Variants in PPFIA2 observed in about 807,000 individuals in gnomAD.
PPFIA2 encodes PPFI scaffold protein A2.
In PPFIA2, 46 loss-of-function variants were observed where a neutral mutation model predicts 175.5. The ratio of observed to expected loss-of-function variants is 0.26; its 90% CI spans 0.21 to 0.34. PPFIA2 has a LOEUF of 0.34. PPFIA2 is among the 10% of genes least tolerant of loss of function. PPFIA2 has a pLI of 1.00. For synonymous variants in PPFIA2, 568 were observed against 511.4 expected, an observed-to-expected ratio of 1.11 and a Z score of -1.49; for missense variants, 1,179 against 1,506.1, an observed-to-expected ratio of 0.78 and a Z score of 3.60.
At chr12:81,557,204 C>T (rs867463357) in intron 4 of PPFIA2, among the ~76,000 whole-genome samples, 146 of 151,834 alleles carry the variant, frequency 9.6e-4, no homozygotes, top group South Asian at 1.0e-3. Context: ...TACACACACA[C>T]ACACACACAC....
intron 29 of PPFIA2, 164 bp from the exon 30 acceptor site, chr12:81,267,184 C>A (rs372217155): frequency 5.4e-4 from 288 of 536,984 alleles, no homozygotes; most frequent in South Asian, 8.9e-4. Context: ...ATTTTAACTA[C>A]AAAAAAAACA....
chr12:81,467,298 A>G (rs953734369), intron 4 of PPFIA2, among the ~76,000 whole-genome samples: 2 of 152,170 alleles, frequency 1.3e-5, no homozygotes, highest in African/African-American at 2.4e-5. Flanking sequence ...ACTACCTAAG[A>G]CACATCAAGT....
rs1355432866 is a variant in PPFIA2 at position 81,747,042 on chromosome 12, A to C, written c.249+6931T>G. ...TATGAGTGTACTTTATTTTAGGAAA[A>C]CAATGATGATAGAAGCCTGATTGCA... On this transcript the variant is annotated intron_variant, in intron 3 of 32. Coordinates refer to ENST00000549396, the MANE Select transcript of PPFIA2 (RefSeq NM_003625.5). Among the ~76,000 whole-genome samples the C allele has an allele frequency of 1.4e-5, 2 of 144,138 alleles. 1 individual carries two copies. The highest frequency in any genetic ancestry group is 3.1e-5 in the Non-Finnish European group (2 of 64,328). The allele number at this position is 144,138 out of a possible 152,430, so 94.6% of individuals were successfully genotyped here. A position where few individuals can be genotyped will look rare whatever the true frequency, so the allele number is the denominator to read the frequency against.
At chr12:81,646,145 T>C (rs1269834497) in intron 4 of PPFIA2, among the ~76,000 whole-genome samples, 1 of 152,084 alleles carries the variant, frequency 6.6e-6, no homozygotes, top group Non-Finnish European at 1.5e-5. Flanking sequence ...CAACCAGCCC[T>C]TTACAGTAGG....
chr12:81,292,949 C>T lies in PPFIA2; in HGVS notation c.2925+1886G>A, dbSNP rs1011144069. ...GGAGTTATGTAAGAATTATATAAGC[C>T]TTTTAAATTTGACCTTTTATTTCTG... is the stretch of plus-strand genomic sequence containing the variant. On this transcript the variant is annotated intron_variant, in intron 24 of 32. Coordinates refer to ENST00000549396, the MANE Select transcript of PPFIA2 (RefSeq NM_003625.5). 19 of 151,088 alleles carry T rather than the reference C, an allele frequency of 1.3e-4. 1 individual carries two copies. Among genetic ancestry groups the T allele is most frequent in the Admixed American group, 8.6e-4 (13 of 15,082 alleles). 9.4% of individuals were successfully genotyped at this position (151,088 alleles called of 1,614,324 possible).
At chr12:81,700,570 G>A (rs985684360) in intron 3 of PPFIA2, among the ~76,000 whole-genome samples, 3 of 152,024 alleles carry the variant, frequency 2.0e-5, no homozygotes, top group Non-Finnish European at 4.4e-5. Context: ...ATGGTTCTGG[G>A]AAATGTGTTT....
chr12:81,671,753 G>A (rs959553920), intron 4 of PPFIA2, among the ~76,000 whole-genome samples: 2 of 151,746 alleles, frequency 1.3e-5, no homozygotes, highest in Non-Finnish European at 2.9e-5. Flanking sequence ...ACTACATGAC[G>A]TTATTTTCTC....
intron 4 of PPFIA2, among the ~76,000 whole-genome samples, chr12:81,498,198 A>T (rs1027055379): frequency 6.6e-6 from 1 of 152,220 alleles, no homozygotes; most frequent in African/African-American, 2.4e-5. Context: ...CTCTTTACTC[A>T]GCTTCACCTA....
At chr12:81,752,967 C>T (rs925445888) in intron 3 of PPFIA2, among the ~76,000 whole-genome samples, 19 of 148,562 alleles carry the variant, frequency 1.3e-4, no homozygotes, top group Middle Eastern at 3.5e-3. Flanking sequence ...GGTGGAGTCT[C>T]TTTCTGTCCC....
At chr12:81,591,712 G>A (rs1462221137) in intron 4 of PPFIA2, among the ~76,000 whole-genome samples, 2 of 152,186 alleles carry the variant, frequency 1.3e-5, no homozygotes, top group African/African-American at 2.4e-5. Flanking sequence ...TGTTGAGCCT[G>A]TGGGTGCACA....
chr12:81,282,975 G>C (rs762000649), intron 26 of PPFIA2, 35 bp downstream of exon 26: 1 of 1,576,616 alleles, frequency 6.3e-7, no homozygotes, highest in South Asian at 1.1e-5. Flanking sequence ...CCTACTAAAT[G>C]ATATTAAGGG....
At chr12:81,688,711 C>T (rs1415123250) in intron 3 of PPFIA2, among the ~76,000 whole-genome samples, 2 of 149,922 alleles carry the variant, frequency 1.3e-5, no homozygotes, top group African/African-American at 2.4e-5. Context: ...GACTGTGGTA[C>T]CTTAAGGCAA....
chr12:81,268,276 C>G (rs981454706), intron 28 of PPFIA2, among the ~76,000 whole-genome samples, 189 bp from the exon 29 acceptor site: 2 of 149,056 alleles, frequency 1.3e-5, no homozygotes, highest in Non-Finnish European at 3.0e-5. Flanking sequence ...GTAGCTGGGA[C>G]TACAGGCGCC....
At chr12:81,676,740 G>A (rs977402340) in intron 4 of PPFIA2, 51 bp downstream of exon 4, 27 of 1,348,376 alleles carry the variant, frequency 2.0e-5, no homozygotes, top group Admixed American at 8.7e-5. Context: ...AATCTGGTGT[G>A]TACACAATTC....
At chr12:81,697,004 G>T (rs891982808) in intron 3 of PPFIA2, among the ~76,000 whole-genome samples, 10 of 151,934 alleles carry the variant, frequency 6.6e-5, no homozygotes, top group Admixed American at 5.3e-4. Context: ...TTAAACTCAG[G>T]TTTGTTATGA....
chr12:81,565,526 C>T (rs535121188), intron 4 of PPFIA2, among the ~76,000 whole-genome samples: 6 of 152,308 alleles, frequency 3.9e-5, no homozygotes, highest in East Asian at 1.9e-4. Flanking sequence ...CTACCTAATT[C>T]GTTCTGTCCC....
intron 4 of PPFIA2, among the ~76,000 whole-genome samples, chr12:81,513,656 A>C (rs1014426753): frequency 2.6e-5 from 4 of 152,006 alleles, no homozygotes; most frequent in Non-Finnish European, 5.9e-5. Context: ...TAAGAAATTA[A>C]TATTTGTGTA....
At position 81,367,105 on chromosome 12, in the gene PPFIA2, T is replaced by TA. The variant is rs1413887063; in HGVS notation, c.1545+2dup. The TA allele has an allele frequency of 6.8e-7, 1 of 1,460,526 alleles. No individual in the cohort carries two copies. Among genetic ancestry groups the TA allele is most frequent in the South Asian group, 1.4e-5 (1 of 69,408 alleles). The allele number at this position is 1,460,526 out of a possible 1,614,324, so 90.5% of individuals were successfully genotyped here. A position where few individuals can be genotyped will look rare whatever the true frequency, so the allele number is the denominator to read the frequency against. The stretch of plus-strand genomic sequence containing the variant: ...GGGCCCAAAACATAAGTTTCCATTA[T>TA]ACCTTATCATGTAAAGATTCTTCAA... On this transcript the variant is annotated splice_region_variant and intron_variant, in intron 14 of 32. Transcript: ENST00000549396.
intron 3 of PPFIA2, among the ~76,000 whole-genome samples, chr12:81,701,013 AAATTCGGT>A (rs1367219315): frequency 6.6e-6 from 1 of 152,150 alleles, no homozygotes; most frequent in Non-Finnish European, 1.5e-5. Context: ...AGAAGTGAGT[AAATTCGGT>A]AAGAACTTTG....
Sources: gnomAD v4.1 joint callset for allele counts (sites outside exome capture counted in the v4.1 genomes callset) on GRCh38, gnomAD v4.1.1 for gene constraint, MANE v1.5 for transcripts, NCBI Gene and HGNC (gene_info 2026-07-23, HGNC 2026-07-21) for gene names.